GALNT14: variants seen among roughly 807,000 people sequenced by gnomAD.
The protein encoded by GALNT14 is UDP-GalNAc:polypeptide N-acetylgalactosaminyltransferase 14.
In GALNT14, 60 loss-of-function variants were observed where a neutral mutation model predicts 77.5. The observed-to-expected ratio is 0.77, with a 90% CI of 0.63 to 0.96. The LOEUF is 0.96. GALNT14 is among the 40% of genes least tolerant of loss of function. The probability of loss-of-function intolerance (pLI) is 0.00; values close to 1 mark genes in which losing one functional copy is unlikely to be tolerated. For missense variants in GALNT14, 710 were observed against 731.0 expected (o/e 0.97, Z 0.33); for synonymous variants, 280 against 281.7 (o/e 0.99, Z 0.06).
At chr2:30,942,024 C>T (rs1666404449) in intron 9 of GALNT14, among the ~76,000 whole-genome samples, 177 bp downstream of exon 9, 2 of 152,140 alleles carry the variant, frequency 1.3e-5, no homozygotes, top group African/African-American at 4.8e-5. Flanking sequence ...ACAACTATTC[C>T]TTTGGCACCC....
chr2:31,115,997 G>C (rs1177939705), intron 1 of GALNT14, among the ~76,000 whole-genome samples: 1 of 152,132 alleles, frequency 6.6e-6, no homozygotes, highest in Non-Finnish European at 1.5e-5. Flanking sequence ...CTCTACCCTG[G>C]GTGACAGAGA....
chr2:31,044,132 C>T (rs945714918), intron 1 of GALNT14, among the ~76,000 whole-genome samples: 1 of 152,160 alleles, frequency 6.6e-6, no homozygotes, highest in African/African-American at 2.4e-5. Context: ...TCTTCATGTT[C>T]CCATTAGTAA....
intron 1 of GALNT14, 151 bp from the exon 2 acceptor site, chr2:30,993,158 T>TCAGCAA: frequency 2.7e-6 from 2 of 734,252 alleles, no homozygotes; most frequent in Non-Finnish European, 4.5e-6. Flanking sequence ...AACTAAACCA[T>TCAGCAA]CAGCAACAAT....
chr2:30,940,302 C>T (rs1666305076), intron 9 of GALNT14, among the ~76,000 whole-genome samples: 1 of 152,158 alleles, frequency 6.6e-6, no homozygotes, highest in Non-Finnish European at 1.5e-5. Flanking sequence ...AAAGGTATTG[C>T]TACCAATACC....
At chr2:31,131,698 G>C (rs1351325148) in intron 1 of GALNT14, among the ~76,000 whole-genome samples, 1 of 152,178 alleles carries the variant, frequency 6.6e-6, no homozygotes, top group Non-Finnish European at 1.5e-5. Flanking sequence ...GGTAAAATCA[G>C]ATGGCATGAA....
chr2:31,045,992 G>A (rs1449157141), intron 1 of GALNT14, among the ~76,000 whole-genome samples: 1 of 152,124 alleles, frequency 6.6e-6, no homozygotes, highest in East Asian at 1.9e-4. Flanking sequence ...GTAGAGAAGA[G>A]TAACAACAAC....
At chr2:31,123,459 A>G (rs6760144) in intron 1 of GALNT14, among the ~76,000 whole-genome samples, 47,659 of 152,044 alleles carry the variant, frequency 0.31, 8,935 homozygotes, top group East Asian at 0.73. Flanking sequence ...TGCTCAGCCT[A>G]TTCCCTATCC....
chr2:30,925,931 G>A (rs894555302), intron 11 of GALNT14, among the ~76,000 whole-genome samples: 1 of 152,158 alleles, frequency 6.6e-6, no homozygotes, highest in African/African-American at 2.4e-5. Context: ...ACAGGGAAGT[G>A]GGGGTGGGAA....
chr2:30,902,601 G>T, the GALNT14 span, among the ~76,000 whole-genome samples: 1 of 152,112 alleles, frequency 6.6e-6, no homozygotes. Flanking sequence ...ATTCCTTTGG[G>T]TGTTTGAGAA....
intron 1 of GALNT14, among the ~76,000 whole-genome samples, chr2:31,016,704 C>A (rs1208089195): frequency 6.6e-6 from 1 of 152,136 alleles, no homozygotes; most frequent in Admixed American, 6.5e-5. Context: ...AATCTCTTCT[C>A]CAAGGCTCCC....
intron 1 of GALNT14, among the ~76,000 whole-genome samples, chr2:31,027,822 G>A (rs1215612003): frequency 1.3e-5 from 2 of 151,834 alleles, no homozygotes; most frequent in African/African-American, 2.4e-5. Flanking sequence ...TTTTGCCTCT[G>A]GAAAGCTTTA....
chr2:31,104,841 C>T (rs1677473850), intron 1 of GALNT14, among the ~76,000 whole-genome samples: 1 of 152,192 alleles, frequency 6.6e-6, no homozygotes, highest in Non-Finnish European at 1.5e-5. Context: ...GTGATGTTAA[C>T]CTTCATCATC....
At chr2:31,089,898 G>A (rs981849221) in intron 1 of GALNT14, among the ~76,000 whole-genome samples, 13 of 152,160 alleles carry the variant, frequency 8.5e-5, no homozygotes, top group African/African-American at 2.4e-4. Flanking sequence ...CAGTCAAACT[G>A]GCTGAATGGA....
chr2:31,076,065 G>T (rs1675761125), intron 1 of GALNT14, among the ~76,000 whole-genome samples: 2 of 152,168 alleles, frequency 1.3e-5, no homozygotes, highest in Non-Finnish European at 2.9e-5. Flanking sequence ...AGCAGACACA[G>T]ATGACCAGCA....
At chr2:30,919,438 C>G (rs1664897883) in intron 13 of GALNT14, among the ~76,000 whole-genome samples, 1 of 152,172 alleles carries the variant, frequency 6.6e-6, no homozygotes, top group Admixed American at 6.5e-5. Context: ...CTTTCAACAA[C>G]GAGGACGCCC....
intron 4 of GALNT14, among the ~76,000 whole-genome samples, chr2:30,957,434 T>C (rs1442240073): frequency 6.6e-6 from 1 of 152,112 alleles, no homozygotes; most frequent in Non-Finnish European, 1.5e-5. Context: ...CAGCACTCTC[T>C]TCTCTTGCTT....
At chr2:31,051,129 T>G (rs1376024666) in intron 1 of GALNT14, among the ~76,000 whole-genome samples, 1 of 152,162 alleles carries the variant, frequency 6.6e-6, no homozygotes, top group Non-Finnish European at 1.5e-5. Flanking sequence ...TCTGGGCACA[T>G]GTGGTTACAC....
intron 13 of GALNT14, among the ~76,000 whole-genome samples, chr2:30,921,683 G>C (rs1477466680): frequency 2.0e-5 from 3 of 152,216 alleles, no homozygotes. Context: ...TCAGGGTAGG[G>C]GCAGGGCTGC....
At chr2:31,126,346 A>C (rs995873647) in intron 1 of GALNT14, among the ~76,000 whole-genome samples, 5 of 152,138 alleles carry the variant, frequency 3.3e-5, no homozygotes, top group African/African-American at 1.2e-4. Flanking sequence ...GGGTGAGCAT[A>C]TGGAAGTTGA....
Sources: allele counts gnomAD v4.1 joint callset (sites outside exome capture counted in the v4.1 genomes callset), GRCh38; gene constraint gnomAD v4.1.1; transcripts MANE v1.5; gene names NCBI Gene and HGNC (gene_info 2026-07-23, HGNC 2026-07-21).